Variants in ACOX2 observed in about 807,000 individuals in gnomAD.
ACOX2 encodes acyl-CoA oxidase 2.
A neutral mutation model predicts 77.5 loss-of-function variants in ACOX2; 59 were observed. That is an observed-to-expected ratio of 0.76 (90% CI 0.62 to 0.95). The LOEUF (loss-of-function observed/expected upper bound fraction) is 0.95. ACOX2 is among the 40% of genes least tolerant of loss of function. The pLI, the probability that ACOX2 is intolerant of heterozygous loss-of-function variation, is 0.00. For synonymous variants in ACOX2, 317 were observed against 340.1 expected, an observed-to-expected ratio of 0.93 and a Z score of 0.75; for missense variants, 837 against 880.4, an observed-to-expected ratio of 0.95 and a Z score of 0.62.
rs150778355 is a variant in ACOX2, at chr3:58,534,024, C to T, written c.445G>A (p.Ala149Thr). 6.8e-5 allele frequency: 110 copies of T among 1,614,026 alleles called. No individual in the cohort carries two copies. Among genetic ancestry groups the T allele is most frequent in the Admixed American group, 2.5e-4 (15 of 60,000 alleles). The change falls in exon 4 of 15, where the codon GCA (alanine) becomes ACA (threonine). Residue 149 changes from alanine to threonine, a missense_variant. Ala to Thr is a moderately conservative substitution (Grantham distance 58). Coordinates refer to ENST00000302819, the MANE Select transcript of ACOX2 (RefSeq NM_003500.4). This position sits in a 1 kb window ranked among gnomAD's most constrained non-coding sequence, Gnocchi z 4.8. Reference sequence around the variant, plus strand: ...CCCAACTCTGTCTGTGCATACGTTGCGATGATCTGGATGTTTTTGCAGAGT... The same window carrying T: ...CCCAACTCTGTCTGTGCATACGTTGTGATGATCTGGATGTTTTTGCAGAGT... ...DPLCKNIQII[A>T]TYAQTELGHG...
At chr3:58,527,197 G>C (rs1210559609) in intron 9 of ACOX2, among the ~76,000 whole-genome samples, 1 of 152,120 alleles carries the variant, frequency 6.6e-6, no homozygotes, top group African/African-American at 2.4e-5. Flanking sequence ...AGGTAATTAA[G>C]TCATGAGGGT....
chr3:58,531,491 G>T lies in ACOX2; in HGVS notation c.704-125C>A. ...TGGGATTATTGTACCTATTTTGCAG[G>T]TGAACAAGCTGAGGTCAGAAAGATG... On this transcript the variant is annotated intron_variant, in intron 6 of 14. Coordinates refer to ENST00000302819, the MANE Select transcript of ACOX2 (RefSeq NM_003500.4). This position sits in a 1 kb window ranked among gnomAD's most constrained non-coding sequence, Gnocchi z 5.8. 8.1e-7 allele frequency: 1 copy of T among 1,234,128 alleles called. No homozygotes were observed. Among genetic ancestry groups the T allele is most frequent in the South Asian group, 1.5e-5 (1 of 68,770 alleles). 76.4% of individuals were successfully genotyped at this position (1,234,128 alleles called of 1,614,324 possible).
Position 58,534,441 on chromosome 3 carries a change from A to G in ACOX2, c.242T>C (p.Met81Thr), listed in dbSNP as rs1304307599. The change falls in exon 3 of 15, where the codon ATG becomes ACG. Residue 81 changes from methionine (M) to threonine (T), a missense_variant. Met to Thr is a moderately conservative substitution (Grantham distance 81). Transcript: ENST00000302819. This position sits in a 1 kb window ranked among gnomAD's most constrained non-coding sequence, Gnocchi z 4.8. ...MTQNERYKAAMRRAFHIRLIA... is the reference protein window; with the variant it reads ...MTQNERYKAATRRAFHIRLIA... Reference sequence around the variant, plus strand: ...CAACCGGATGTGGAATGCCCTCCGCATGGCAGCCTTATAACGCTCATTCTG... The same window carrying G: ...CAACCGGATGTGGAATGCCCTCCGCGTGGCAGCCTTATAACGCTCATTCTG... The G allele has an allele frequency of 8.7e-6, 14 of 1,614,162 alleles. No individual in the cohort carries two copies. The highest frequency in any genetic ancestry group is 2.2e-5 in the East Asian group (1 of 44,874).
intron 7 of ACOX2, 82 bp from the exon 8 acceptor site, chr3:58,530,720 C>T: frequency 6.9e-7 from 1 of 1,455,118 alleles, no homozygotes; most frequent in Non-Finnish European, 9.3e-7. Flanking sequence ...TGGGGCTCCA[C>T]ACATGGAGGG....
Position 58,526,951 on chromosome 3 carries a change from C to G in ACOX2, c.1156-295G>C, listed in dbSNP as rs1036650597. On this transcript the variant is annotated intron_variant, in intron 9 of 14. Coordinates refer to ENST00000302819, the MANE Select transcript of ACOX2 (RefSeq NM_003500.4). This position sits in a 1 kb window ranked among gnomAD's most constrained non-coding sequence, Gnocchi z 4.3. ...CTGCCTGGATTGGGCCCACAAACCT[C>G]CAGGAGTTACGGATTTTGCTGGCCT... 1.3e-5 allele frequency among the ~76,000 whole-genome samples: 2 copies of G among 152,142 alleles called. No homozygotes were observed. The highest frequency in any genetic ancestry group is 4.8e-5 in the African/African-American group (2 of 41,446).
Position 58,534,546 on chromosome 3 carries a change from G to T in ACOX2, c.161-24C>A. 1 of 1,614,130 alleles carries T rather than the reference G, an allele frequency of 6.2e-7. No homozygotes were observed. Among genetic ancestry groups the T allele is most frequent in the East Asian group, 2.2e-5 (1 of 44,888 alleles). Reference sequence around the variant, plus strand: ...CTCTGCAGAGGACAGAGAACAGAGGGCTTAGGGACCTGGGTGAGGTTTCTG... The same window carrying T: ...CTCTGCAGAGGACAGAGAACAGAGGTCTTAGGGACCTGGGTGAGGTTTCTG... On this transcript the variant is annotated intron_variant, in intron 2 of 14. Coordinates refer to ENST00000302819, the MANE Select transcript of ACOX2 (RefSeq NM_003500.4). The surrounding 1 kb of genome is among the most constrained non-coding windows in gnomAD (Gnocchi z 4.8).
rs994014514 is a variant in ACOX2 at position 58,528,231 on chromosome 3, C to G, written c.1155+563G>C. ...AGCAGTGCTTATAAAGCATGGTAGC[C>G]TGGACAGACTGAATTTTACTATATA... On this transcript the variant is annotated intron_variant, in intron 9 of 14. Transcript: ENST00000302819. The surrounding 1 kb of genome is among the most constrained non-coding windows in gnomAD (Gnocchi z 5.6). Among the ~76,000 whole-genome samples, 1 of 152,160 alleles carries G rather than the reference C, an allele frequency of 6.6e-6. No homozygotes were observed. Among genetic ancestry groups the G allele is most frequent in the Non-Finnish European group, 1.5e-5 (1 of 68,036 alleles).
intron 12 of ACOX2, among the ~76,000 whole-genome samples, chr3:58,518,534 C>T (rs1204991513): frequency 1.3e-5 from 2 of 152,122 alleles, no homozygotes; most frequent in East Asian, 1.9e-4. Context: ...TTGAACAGTC[C>T]GCATCTCGTC....
chr3:58,513,511 A>G (rs1195945249), intron 13 of ACOX2, among the ~76,000 whole-genome samples: 1 of 151,548 alleles, frequency 6.6e-6, no homozygotes, highest in Non-Finnish European at 1.5e-5. Flanking sequence ...TTTCATTTCC[A>G]TTATCATTTT....
chr3:58,520,138 TG>T (rs995869747), intron 12 of ACOX2, among the ~76,000 whole-genome samples: 1 of 152,128 alleles, frequency 6.6e-6, no homozygotes, highest in African/African-American at 2.4e-5. Context: ...AATTTGGGGG[TG>T]GGGGTGCTAG....
intron 14 of ACOX2, among the ~76,000 whole-genome samples, chr3:58,507,440 A>T (rs1375536883): frequency 6.6e-6 from 1 of 152,244 alleles, no homozygotes; most frequent in Non-Finnish European, 1.5e-5. Context: ...CTTTTAAAAT[A>T]AATATTAAAA....
In ACOX2 at chr3:58,528,986, T is replaced by G; in HGVS notation, c.993-30A>C. The stretch of plus-strand genomic sequence containing the variant: ...AGGGAAAAGAACCAGAAGATTTAGA[T>G]CACTACCTGTTGTGTCCACCTTCCC... On this transcript the variant is annotated intron_variant, in intron 8 of 14. Coordinates refer to ENST00000302819, the MANE Select transcript of ACOX2 (RefSeq NM_003500.4). This position sits in a 1 kb window ranked among gnomAD's most constrained non-coding sequence, Gnocchi z 5.6. 1 of 1,588,076 alleles carries G rather than the reference T, an allele frequency of 6.3e-7. No homozygotes were observed. The highest frequency in any genetic ancestry group is 8.6e-7 in the Non-Finnish European group (1 of 1,166,274).
Position 58,508,896 on chromosome 3 carries a change from A to C in ACOX2, c.1980T>G (p.Thr660=). The change falls in exon 14 of 15, where the codon ACT becomes ACG. Residue 660 remains threonine, a synonymous_variant. Transcript: ENST00000302819. The part of the protein sequence containing the change: ...FQWAQKSPTN[T]QENPAYEEYI... ...ATAATGTGTTCCACTCAACTACCTG[A>C]GTATTGGTTGGTGACTTCTGAGCCC... 6.2e-7 allele frequency: 1 copy of C among 1,614,100 alleles called. No homozygotes were observed. Among genetic ancestry groups the C allele is most frequent in the Non-Finnish European group, 8.5e-7 (1 of 1,179,990 alleles).
chr3:58,531,260 G>T lies in ACOX2; in HGVS notation c.810C>A (p.Arg270=). 6.2e-7 allele frequency: 1 copy of T among 1,612,670 alleles called. No homozygotes were observed. The highest frequency in any genetic ancestry group is 1.1e-5 in the South Asian group (1 of 91,002). The stretch of plus-strand genomic sequence containing the variant: ...TCCCCAGATCTGTAACCTGTGCAAA[G>T]CGACTCAGCATGTTCTCCCTGGGGA... ...VRVPRENMLS[R]FAQVLPDGTY... The change falls in exon 7 of 15, where the codon CGC becomes CGA. Residue 270 remains arginine, a synonymous_variant. Coordinates refer to ENST00000302819, the MANE Select transcript of ACOX2 (RefSeq NM_003500.4). The surrounding 1 kb of genome is among the most constrained non-coding windows in gnomAD (Gnocchi z 5.8).
rs944949673 is a variant in ACOX2, at chr3:58,535,552, A to G, written c.-91-355T>C. On this transcript the variant is annotated intron_variant, in intron 1 of 14. Coordinates refer to ENST00000302819, the MANE Select transcript of ACOX2 (RefSeq NM_003500.4). This position sits in a 1 kb window ranked among gnomAD's most constrained non-coding sequence, Gnocchi z 4.8. Reference sequence around the variant, plus strand: ...GAGTGGCCCCTAGCCACACAGCTGGAGATGGCCAGGAGTTGGATGGGGTCT... The same window carrying G: ...GAGTGGCCCCTAGCCACACAGCTGGGGATGGCCAGGAGTTGGATGGGGTCT... Among the ~76,000 whole-genome samples, 2 of 152,178 alleles carry G rather than the reference A, an allele frequency of 1.3e-5. No individual in the cohort carries two copies. Among genetic ancestry groups the G allele is most frequent in the African/African-American group, 4.8e-5 (2 of 41,448 alleles).
At position 58,506,934 on chromosome 3, in the gene ACOX2, C is replaced by T. The variant is rs146832472; in HGVS notation, c.1984-1648G>A. ...TAGGGTTAAAAAATTATCCACAGCA[C>T]ATTAAAAAATACACTTTAAAAGTGC... On this transcript the variant is annotated intron_variant, in intron 14 of 14. Coordinates refer to ENST00000302819, the MANE Select transcript of ACOX2 (RefSeq NM_003500.4). Among the ~76,000 whole-genome samples, 359 of 152,228 alleles carry T rather than the reference C, an allele frequency of 2.4e-3. 1 individual carries two copies. The highest frequency in any genetic ancestry group is 8.0e-3 in the African/African-American group (334 of 41,534).
Position 58,524,300 on chromosome 3 carries a change from G to A in ACOX2, c.1526+126C>T. The A allele has an allele frequency of 8.2e-7, 1 of 1,222,020 alleles. No individual in the cohort carries two copies. Among genetic ancestry groups the A allele is most frequent in the East Asian group, 2.5e-5 (1 of 39,786 alleles). 75.7% of individuals were successfully genotyped at this position (1,222,020 alleles called of 1,614,324 possible). A position where few individuals can be genotyped will look rare whatever the true frequency, so the allele number is the denominator to read the frequency against. On this transcript the variant is annotated intron_variant, in intron 11 of 14. Coordinates refer to ENST00000302819, the MANE Select transcript of ACOX2 (RefSeq NM_003500.4). This position sits in a 1 kb window ranked among gnomAD's most constrained non-coding sequence, Gnocchi z 5.5. The stretch of plus-strand genomic sequence containing the variant: ...TGGTGGCAGGAACTGAGAGGACCGG[G>A]GAGGCTAGGCATGGGGTGGTTTTTA...
At position 58,525,442 on chromosome 3, in the gene ACOX2, G is replaced by A. The variant is rs1260450982; in HGVS notation, c.1347-837C>T. The stretch of plus-strand genomic sequence containing the variant: ...CTCCAGGGCCCACAGACCTAAGAGG[G>A]ATGAAAAGAAATCGCCTGTGTGGAG... On this transcript the variant is annotated intron_variant, in intron 10 of 14. Coordinates refer to ENST00000302819, the MANE Select transcript of ACOX2 (RefSeq NM_003500.4). The surrounding 1 kb of genome is among the most constrained non-coding windows in gnomAD (Gnocchi z 5.0). Among the ~76,000 whole-genome samples, 1 of 152,226 alleles carries A rather than the reference G, an allele frequency of 6.6e-6. No homozygotes were observed. Among genetic ancestry groups the A allele is most frequent in the Admixed American group, 6.5e-5 (1 of 15,288 alleles).
chr3:58,531,624 C>T lies in ACOX2; in HGVS notation c.703+69G>A. ...TAGCTACTCCTGTGGCCCTCTGGGG[C>T]CCCAGGTCAGGGAGGCCACCTGGGC... On this transcript the variant is annotated intron_variant, in intron 6 of 14. Coordinates refer to ENST00000302819, the MANE Select transcript of ACOX2 (RefSeq NM_003500.4). The surrounding 1 kb of genome is among the most constrained non-coding windows in gnomAD (Gnocchi z 5.8). 1 of 1,576,628 alleles carries T rather than the reference C, an allele frequency of 6.3e-7. No homozygotes were observed. Among genetic ancestry groups the T allele is most frequent in the South Asian group, 1.2e-5 (1 of 84,500 alleles).
Sources: gnomAD v4.1 joint callset for allele counts (sites outside exome capture counted in the v4.1 genomes callset) on GRCh38, gnomAD v4.1.1 for gene constraint, Gnocchi (gnomAD v3.1) non-coding constraint, MANE v1.5 for transcripts, NCBI Gene and HGNC (gene_info 2026-07-23, HGNC 2026-07-21) for gene names.